MAF: variants seen among roughly 807,000 people sequenced by gnomAD.
MAF encodes the protein transcription factor Maf.
In MAF, 10 loss-of-function variants were observed where a neutral mutation model predicts 22.0. The ratio of observed to expected loss-of-function variants is 0.45; its 90% confidence interval spans 0.28 to 0.77. The LOEUF (loss-of-function observed/expected upper bound fraction) is 0.77, where lower values mean the gene tolerates loss of function less well. MAF is among the 30% of genes least tolerant of loss of function. The probability of loss-of-function intolerance (pLI) is 0.12; values close to 1 mark genes in which losing one functional copy is unlikely to be tolerated. For synonymous variants in MAF, 337 were observed against 255.8 expected, an observed-to-expected ratio of 1.32 and a Z score of -3.03; for missense variants, 544 against 548.4, an observed-to-expected ratio of 0.99 and a Z score of 0.08.
chr16:79,230,350 G>A, the MAF span, among the ~76,000 whole-genome samples: 1 of 152,134 alleles, frequency 6.6e-6, no homozygotes, highest in Non-Finnish European at 1.5e-5. Context: ...GACCAATAGA[G>A]GGAACTGAGC....
chr16:79,566,746 C>T, the MAF span, among the ~76,000 whole-genome samples: 1 of 152,146 alleles, frequency 6.6e-6, no homozygotes, highest in African/African-American at 2.4e-5. Context: ...GTGCAGGGCC[C>T]TAAGGAACCT....
At chr16:79,258,910 G>A in the MAF span, among the ~76,000 whole-genome samples, 1 of 152,298 alleles carries the variant, frequency 6.6e-6, no homozygotes, top group South Asian at 2.1e-4. Flanking sequence ...GGAGGGTAGA[G>A]AGAAGATGGG....
the MAF span, among the ~76,000 whole-genome samples, chr16:79,305,508 C>G: frequency 6.6e-6 from 1 of 152,056 alleles, no homozygotes; most frequent in African/African-American, 2.4e-5. Flanking sequence ...CTCTGTGGTT[C>G]ACAGCTGAGG....
chr16:79,561,094 C>T, the MAF span, among the ~76,000 whole-genome samples: 5 of 152,170 alleles, frequency 3.3e-5, no homozygotes, highest in Non-Finnish European at 7.4e-5. Context: ...AACTGGCTCT[C>T]TGACATATCA....
downstream of MAF, among the ~76,000 whole-genome samples, chr16:79,590,611 C>A (rs966751864): frequency 6.6e-6 from 1 of 151,988 alleles, no homozygotes; most frequent in African/African-American, 2.4e-5. Context: ...GTGCTAAGGA[C>A]GTCACTGTTG....
At chr16:79,375,862 T>C in the MAF span, among the ~76,000 whole-genome samples, 1 of 152,166 alleles carries the variant, frequency 6.6e-6, no homozygotes, top group African/African-American at 2.4e-5. Context: ...CATACCATCA[T>C]GGTGGAGAAC....
chr16:79,408,238 G>A, the MAF span, among the ~76,000 whole-genome samples: 1 of 152,066 alleles, frequency 6.6e-6, no homozygotes, highest in Admixed American at 6.5e-5. Flanking sequence ...GTGCAGTGAT[G>A]GGATCTCGGC....
At chr16:79,404,164 C>CTTTTTTTTT in the MAF span, among the ~76,000 whole-genome samples, 1 of 122,092 alleles carries the variant, frequency 8.2e-6, no homozygotes, top group Non-Finnish European at 1.7e-5. Flanking sequence ...TCTGGATTTT[C>CTTTTTTTTT]TTTTTTTTTT....
chr16:79,567,633 A>G, the MAF span, among the ~76,000 whole-genome samples: 19,757 of 152,266 alleles, frequency 0.13, 1,462 homozygotes, highest in East Asian at 0.26. Context: ...TCAGAAGGTG[A>G]AGCATGGCCT....
the MAF span, among the ~76,000 whole-genome samples, chr16:79,514,955 G>C: frequency 7.2e-4 from 110 of 152,152 alleles, 2 homozygotes; most frequent in Admixed American, 2.0e-4. Context: ...CTGACTTGAT[G>C]TCTCCTTCAT....
At chr16:79,586,368 A>G (rs900290253) in intron 1 of MAF, among the ~76,000 whole-genome samples, 2 of 152,192 alleles carry the variant, frequency 1.3e-5, no homozygotes, top group East Asian at 3.9e-4. Context: ...ACACTGGCCC[A>G]GCTTCTGCCG....
the MAF span, among the ~76,000 whole-genome samples, chr16:79,364,249 G>A: frequency 6.6e-6 from 1 of 152,304 alleles, no homozygotes; most frequent in East Asian, 1.9e-4. Context: ...AGAATGTGGA[G>A]GATGATGTGG....
chr16:79,597,849 C>T (rs1384032276), intron 1 of MAF: 6 of 1,022,822 alleles, frequency 5.9e-6, no homozygotes, highest in Admixed American at 1.2e-4. Flanking sequence ...GTCTTTGAAA[C>T]AGTTATAGTT....
At chr16:79,379,751 G>A in the MAF span, among the ~76,000 whole-genome samples, 1 of 152,296 alleles carries the variant, frequency 6.6e-6, no homozygotes, top group East Asian at 1.9e-4. Context: ...GGGCAGCCTT[G>A]TTGGGTTTCA....
At chr16:79,598,662 G>A in intron 1 of MAF, 123 bp downstream of exon 1, 1 of 1,535,514 alleles carries the variant, frequency 6.5e-7, no homozygotes, top group Non-Finnish European at 8.7e-7. Context: ...GGCCAAACTC[G>A]GTGGGGGTGG....
At chr16:79,458,708 G>A in the MAF span, among the ~76,000 whole-genome samples, 3 of 152,118 alleles carry the variant, frequency 2.0e-5, no homozygotes, top group African/African-American at 7.2e-5. Flanking sequence ...TTGTTGTTAG[G>A]TTGTTTGTTG....
the MAF span, among the ~76,000 whole-genome samples, chr16:79,454,020 T>C: frequency 1.8e-4 from 27 of 152,310 alleles, 1 homozygote; most frequent in South Asian, 2.1e-4. Flanking sequence ...CCAAAATGTA[T>C]TGAGATTCTA....
chr16:79,519,685 A>G, the MAF span, among the ~76,000 whole-genome samples: 1 of 152,192 alleles, frequency 6.6e-6, no homozygotes, highest in African/African-American at 2.4e-5. Flanking sequence ...TCGTATACCC[A>G]AGTATCCTGC....
At chr16:79,597,265 C>T in intron 1 of MAF, 4 of 1,046,748 alleles carry the variant, frequency 3.8e-6, no homozygotes, top group Non-Finnish European at 4.6e-6. Context: ...CTGTAGCATA[C>T]ATTTTAACTG....
Sources: gnomAD v4.1 joint callset for allele counts (sites outside exome capture counted in the v4.1 genomes callset) on GRCh38, gnomAD v4.1.1 for gene constraint, MANE v1.5 for transcripts, NCBI Gene and HGNC (gene_info 2026-07-23, HGNC 2026-07-21) for gene names.